The following GCFC2 variants were observed in gnomAD, a reference collection of about 807,000 sequenced individuals.
GCFC2 encodes GC-rich sequence DNA-binding factor 2.
In GCFC2, 102 loss-of-function variants were observed where a neutral mutation model predicts 99.4. The ratio of observed to expected loss-of-function variants is 1.03; its 90% CI spans 0.87 to 1.21. The LOEUF is 1.21. Ranked by LOEUF, GCFC2 falls within the 50% of genes most tolerant of loss-of-function variation. The probability of loss-of-function intolerance (pLI) is 0.00; values close to 1 mark genes in which losing one functional copy is unlikely to be tolerated. For synonymous variants in GCFC2, 338 were observed against 316.8 expected (o/e 1.07, Z -0.71); for missense variants, 973 against 920.9 (o/e 1.06, Z -0.73).
At chr2:75,665,660 T>G (rs886468266) in intron 16 of GCFC2, among the ~76,000 whole-genome samples, 5 of 152,224 alleles carry the variant, frequency 3.3e-5, no homozygotes, top group African/African-American at 9.6e-5. Flanking sequence ...TAAAAAGTGC[T>G]TAATAAAATG....
In GCFC2 at chr2:75,696,308, T is replaced by A; in HGVS notation, c.725A>T (p.Asp242Val). 1.6e-6 allele frequency: 2 copies of A among 1,256,140 alleles called. No homozygotes were observed. The highest frequency in any genetic ancestry group is 2.3e-6 in the Non-Finnish European group (2 of 862,436). 77.8% of individuals were successfully genotyped at this position (1,256,140 alleles called of 1,614,324 possible). Residue 242 changes from aspartate to valine, a missense_variant, in exon 5 of 17, where the codon GAC becomes GTC. By Grantham distance (152) the Asp-to-Val change is radical. Coordinates refer to ENST00000321027, the MANE Select transcript of GCFC2 (RefSeq NM_003203.5). ...TCCATTGCCACAGGAAAGATCTATG[T>A]CTCTTTCCTAAAAAAGTAAAAATAG... ...RKAVKIIEER[D>V]IDLSCGNGSS...
At chr2:75,693,185 C>T (rs1173582319) in intron 6 of GCFC2, among the ~76,000 whole-genome samples, 3 of 152,090 alleles carry the variant, frequency 2.0e-5, no homozygotes, top group Non-Finnish European at 4.4e-5. Context: ...AGGCCTATAA[C>T]CCTAGCACTT....
Position 75,665,922 on chromosome 2 carries a change from GC to G in GCFC2, c.2228+6del. ...CTTTATAGAAGTGAAAATAAAATAT[GC>G]ATTACCTGAATTCACTTCTAGATAA... On this transcript the variant is annotated splice_donor_region_variant and intron_variant, in intron 16 of 16. Coordinates refer to ENST00000321027, the MANE Select transcript of GCFC2 (RefSeq NM_003203.5). 1 of 1,556,890 alleles carries G rather than the reference GC, an allele frequency of 6.4e-7. No homozygotes were observed. The highest frequency in any genetic ancestry group is 2.3e-5 in the East Asian group (1 of 43,680).
At chr2:75,692,306 A>G (rs1680118095) in intron 6 of GCFC2, among the ~76,000 whole-genome samples, 2 of 152,134 alleles carry the variant, frequency 1.3e-5, no homozygotes, top group African/African-American at 2.4e-5. Context: ...ATATTAAAAA[A>G]TCAGAAAATT....
chr2:75,669,527 C>A (rs538675912), intron 15 of GCFC2, among the ~76,000 whole-genome samples: 1 of 152,096 alleles, frequency 6.6e-6, no homozygotes, highest in Non-Finnish European at 1.5e-5. Context: ...TTTATAGTTT[C>A]ATTTTTACAT....
At chr2:75,677,733 C>T (rs371238073) in intron 12 of GCFC2, among the ~76,000 whole-genome samples, 2 of 152,172 alleles carry the variant, frequency 1.3e-5, no homozygotes, top group South Asian at 2.1e-4. Flanking sequence ...AATCCCAGCA[C>T]TTTGGGAGGC....
chr2:75,671,953 T>C lies in GCFC2; in HGVS notation c.1953A>G (p.Leu651=), dbSNP rs958294455. The change falls in exon 14 of 17, where the codon CTA becomes CTG. Residue 651 remains leucine (L), a synonymous_variant. Transcript: ENST00000321027. ...CATTTTTGCAGTTTTTGCTCACCTT[T>C]AGGCCTGACCAGAACTGTCTTTCTT... ...KFQERQFWSG[L]KLFRNILLWN... is the part of the protein sequence containing the mutation. 6.4e-7 allele frequency: 1 copy of C among 1,564,292 alleles called. No homozygotes were observed. The highest frequency in any genetic ancestry group is 8.8e-7 in the Non-Finnish European group (1 of 1,137,118).
At chr2:75,674,755 G>A (rs1417245695) in intron 12 of GCFC2, among the ~76,000 whole-genome samples, 1 of 152,068 alleles carries the variant, frequency 6.6e-6, no homozygotes, top group African/African-American at 2.4e-5. Flanking sequence ...ATCCATAAAT[G>A]TAGAATTCAA....
chr2:75,699,848 G>GT (rs967519874), intron 4 of GCFC2, among the ~76,000 whole-genome samples: 6 of 150,836 alleles, frequency 4.0e-5, no homozygotes, highest in Admixed American at 4.0e-4. Context: ...AAGTGCTGGA[G>GT]TAACAGGTGT....
intron 6 of GCFC2, among the ~76,000 whole-genome samples, chr2:75,692,920 G>A (rs1422296107): frequency 1.3e-5 from 2 of 152,004 alleles, no homozygotes; most frequent in East Asian, 3.9e-4. Flanking sequence ...CATATTTTGG[G>A]GAGCAACAAT....
At chr2:75,706,476 C>T in intron 2 of GCFC2, 47 bp downstream of exon 2, 1 of 1,231,664 alleles carries the variant, frequency 8.1e-7, no homozygotes, top group Non-Finnish European at 1.2e-6. Context: ...ATCAAAAACA[C>T]TATATTAAAA....
intron 12 of GCFC2, among the ~76,000 whole-genome samples, chr2:75,678,164 T>C (rs1232902416): frequency 6.6e-6 from 1 of 152,156 alleles, no homozygotes; most frequent in Admixed American, 6.5e-5. Context: ...GAGGATCAAA[T>C]GAGACAATGT....
chr2:75,710,498 G>A (rs1368219277), intron 1 of GCFC2, 93 bp downstream of exon 1: 8 of 1,397,570 alleles, frequency 5.7e-6, no homozygotes, highest in Non-Finnish European at 7.4e-6. Flanking sequence ...TCGGCAGCAA[G>A]TTATAGAACC....
At chr2:75,687,133 G>A (rs868050915) in intron 11 of GCFC2, among the ~76,000 whole-genome samples, 2 of 151,966 alleles carry the variant, frequency 1.3e-5, no homozygotes, top group Non-Finnish European at 2.9e-5. Flanking sequence ...ACGAGGTTTC[G>A]CCATGGTGGC....
At chr2:75,683,771 C>CAAAAAAAGA (rs1679684169) in intron 11 of GCFC2, among the ~76,000 whole-genome samples, 1 of 60,426 alleles carries the variant, frequency 1.7e-5, no homozygotes, top group Non-Finnish European at 3.1e-5. Context: ...AAATGGAAAG[C>CAAAAAAAGA]AAAAAAAAAA....
intron 12 of GCFC2, among the ~76,000 whole-genome samples, chr2:75,676,500 TATC>T (rs1679346342): frequency 6.6e-6 from 1 of 152,064 alleles, no homozygotes; most frequent in South Asian, 2.1e-4. Context: ...TTTCCCATAC[TATC>T]TTAAGACACT....
At chr2:75,667,224 C>G (rs1678883207) in intron 15 of GCFC2, among the ~76,000 whole-genome samples, 1 of 152,078 alleles carries the variant, frequency 6.6e-6, no homozygotes, top group Admixed American at 6.6e-5. Context: ...CTTACACTTT[C>G]ATTAACGTTA....
intron 13 of GCFC2, 94 bp from the exon 14 acceptor site, chr2:75,672,110 C>A: frequency 2.2e-6 from 1 of 457,504 alleles, no homozygotes; most frequent in Non-Finnish European, 4.2e-6. Flanking sequence ...TTAAACCAAC[C>A]AAACTAAGCC....
At chr2:75,701,065 T>C (rs2104397033) in intron 4 of GCFC2, 125 bp downstream of exon 4, 4 of 621,760 alleles carry the variant, frequency 6.4e-6, no homozygotes, top group Non-Finnish European at 1.1e-5. Flanking sequence ...GCCAATACCT[T>C]GACTTCAGAT....
Sources: gnomAD v4.1 joint callset for allele counts (sites outside exome capture counted in the v4.1 genomes callset) on GRCh38, gnomAD v4.1.1 for gene constraint, MANE v1.5 for transcripts, NCBI Gene and HGNC (gene_info 2026-07-23, HGNC 2026-07-21) for gene names.